The following CEACAM21 variants were observed in gnomAD, a reference collection of about 807,000 sequenced individuals.
CEACAM21 encodes the protein cell adhesion molecule CEACAM21.
A neutral mutation model predicts 33.2 loss-of-function variants in CEACAM21; 38 were observed. That is an observed-to-expected ratio of 1.14 (90% CI 0.88 to 1.50). The LOEUF is 1.50. Among genes scored for constraint, CEACAM21 ranks in the 40% most tolerant of loss-of-function variants. The pLI, the probability that CEACAM21 is intolerant of heterozygous loss-of-function variation, is 0.00. For synonymous variants in CEACAM21, 156 were observed against 143.0 expected, an observed-to-expected ratio of 1.09 and a Z score of -0.65; for missense variants, 385 against 364.6, an observed-to-expected ratio of 1.06 and a Z score of -0.46.
intron 2 of CEACAM21, among the ~76,000 whole-genome samples, chr19:41,578,000 T>C (rs535228974): frequency 6.6e-6 from 1 of 152,288 alleles, no homozygotes; most frequent in East Asian, 1.9e-4. Flanking sequence ...AGGGCTGGGT[T>C]GTGGCTTCCT....
intron 1 of CEACAM21, among the ~76,000 whole-genome samples, chr19:41,559,982 A>T (rs1555786426): frequency 6.6e-6 from 1 of 152,080 alleles, no homozygotes; most frequent in Non-Finnish European, 1.5e-5. Context: ...ATACAGAGAG[A>T]CTTCCTCTCA....
chr19:41,571,056 C>A (rs1433504715), intron 2 of CEACAM21, among the ~76,000 whole-genome samples: 3 of 152,136 alleles, frequency 2.0e-5, no homozygotes, highest in Non-Finnish European at 2.9e-5. Flanking sequence ...GCTCTGTGAA[C>A]TGCAGGGTGT....
At position 41,582,400 on chromosome 19, in the gene CEACAM21, GTCT is replaced by G. The variant is rs370237279; in HGVS notation, c.701-1940_701-1938del. The stretch of plus-strand genomic sequence containing the variant: ...CCATTCTGGGGTCTGGAGGATTGTG[GTCT>G]TCTTCTCACAGCTCCATTAGGCAGT... On this transcript the variant is annotated intron_variant, in intron 3 of 6. Transcript: ENST00000401445. Among the ~76,000 whole-genome samples the G allele has an allele frequency of 1.8e-3, 270 of 152,310 alleles. 1 individual carries two copies. The highest frequency in any genetic ancestry group is 6.3e-3 in the African/African-American group (261 of 41,570).
chr19:41,576,206 C>A lies in CEACAM21; in HGVS notation c.-69C>A. 6.4e-7 allele frequency: 1 copy of A among 1,570,316 alleles called. No homozygotes were observed. Among genetic ancestry groups the A allele is most frequent in the Non-Finnish European group, 8.8e-7 (1 of 1,141,344 alleles). ...ACAGCAGAGACAACAGTCACAGTAACCCTGTCTAGAGCGTTCCTGGAGCCC... is the reference window on the plus strand; with the variant it reads ...ACAGCAGAGACAACAGTCACAGTAAACCTGTCTAGAGCGTTCCTGGAGCCC... On this transcript the variant is annotated 5_prime_UTR_variant, in exon 1 of 7. Coordinates refer to ENST00000401445, the MANE Select transcript of CEACAM21 (RefSeq NM_001098506.4).
At chr19:41,574,725 TC>T (rs1242689163), upstream of CEACAM21, among the ~76,000 whole-genome samples, 1 of 152,192 alleles carries the variant, frequency 6.6e-6, no homozygotes, top group Non-Finnish European at 1.5e-5. Flanking sequence ...AATGGAACCC[TC>T]GTATATTGCT....
chr19:41,549,756 A>T (rs1044302976), intron 1 of CEACAM21, among the ~76,000 whole-genome samples: 5 of 152,044 alleles, frequency 3.3e-5, no homozygotes, highest in African/African-American at 1.2e-4. Context: ...TGGTGGAATC[A>T]CTGTTCACTA....
intron 1 of CEACAM21, among the ~76,000 whole-genome samples, chr19:41,560,900 G>GT (rs1241777265): frequency 6.6e-6 from 1 of 152,094 alleles, no homozygotes; most frequent in African/African-American, 2.4e-5. Flanking sequence ...CAAGACAAGG[G>GT]TGTTCACCAT....
intron 3 of CEACAM21, among the ~76,000 whole-genome samples, chr19:41,580,806 A>G (rs1272740544): frequency 6.6e-6 from 1 of 152,168 alleles, no homozygotes; most frequent in African/African-American, 2.4e-5. Context: ...TTGGCCATTA[A>G]TTGATTCATT....
intron 1 of CEACAM21, among the ~76,000 whole-genome samples, chr19:41,554,139 T>C (rs1191941927): frequency 1.3e-5 from 2 of 152,070 alleles, no homozygotes; most frequent in Non-Finnish European, 2.9e-5. Flanking sequence ...TTAGTTCACT[T>C]CATGCAGTTA....
At chr19:41,563,647 C>T (rs1217879732) in intron 1 of CEACAM21, among the ~76,000 whole-genome samples, 1 of 152,236 alleles carries the variant, frequency 6.6e-6, no homozygotes, top group Non-Finnish European at 1.5e-5. Context: ...TGAACAGATC[C>T]CATCCAGGGA....
intron 6 of CEACAM21, 131 bp from the exon 7 acceptor site, chr19:41,586,333 G>T (rs574432527): frequency 4.0e-4 from 235 of 592,856 alleles, no homozygotes; most frequent in Non-Finnish European, 6.4e-4. Context: ...GGAGGGAGGG[G>T]CCTGGGAGCA....
At chr19:41,567,065 A>G (rs1555788489) in intron 2 of CEACAM21, among the ~76,000 whole-genome samples, 1 of 150,830 alleles carries the variant, frequency 6.6e-6, no homozygotes, top group African/African-American at 2.5e-5. Context: ...TCTCTCTCTC[A>G]TAATGTTATG....
chr19:41,554,200 G>A (rs189119704), intron 1 of CEACAM21, among the ~76,000 whole-genome samples: 2 of 152,020 alleles, frequency 1.3e-5, no homozygotes, highest in South Asian at 2.1e-4. Flanking sequence ...CAAGTGTCCC[G>A]AACATTTTTC....
chr19:41,576,984 C>T (rs1260534665), intron 1 of CEACAM21, among the ~76,000 whole-genome samples: 3 of 152,068 alleles, frequency 2.0e-5, no homozygotes, highest in Non-Finnish European at 4.4e-5. Context: ...GGGAGGGAAC[C>T]ATGCAGACCC....
intron 2 of CEACAM21, among the ~76,000 whole-genome samples, chr19:41,571,055 A>C (rs537201587): frequency 2.4e-4 from 37 of 152,052 alleles, no homozygotes; most frequent in African/African-American, 8.9e-4. Flanking sequence ...GGCTCTGTGA[A>C]CTGCAGGGTG....
At position 41,586,605 on chromosome 19, in the gene CEACAM21, G is replaced by C. The variant is rs989052773; in HGVS notation, c.*142G>C. On this transcript the variant is annotated 3_prime_UTR_variant, in exon 7 of 7. Coordinates refer to ENST00000401445, the MANE Select transcript of CEACAM21 (RefSeq NM_001098506.4). Reference sequence around the variant, plus strand: ...CAGCCCTGGGGATGGGGAAGGACATGGAGCCTGAGCCAGAGAACCAGCTCT... The same window carrying C: ...CAGCCCTGGGGATGGGGAAGGACATCGAGCCTGAGCCAGAGAACCAGCTCT... The C allele has an allele frequency of 2.6e-4, 153 of 583,530 alleles. 2 individuals carry two copies. The Middle Eastern group carries it at 6.0e-3, about 23-fold the overall frequency. The allele number at this position is 583,530 out of a possible 1,614,324, so 36.1% of individuals were successfully genotyped here. A position where few individuals can be genotyped will look rare whatever the true frequency, so the allele number is the denominator to read the frequency against.
At chr19:41,573,990 A>G (rs782464564), upstream of CEACAM21, among the ~76,000 whole-genome samples, 18 of 152,270 alleles carry the variant, frequency 1.2e-4, no homozygotes, top group Non-Finnish European at 1.9e-4. Flanking sequence ...TTCTGGCACA[A>G]GAATGCACAT....
chr19:41,560,377 C>T (rs2041807820), intron 1 of CEACAM21, among the ~76,000 whole-genome samples: 1 of 152,162 alleles, frequency 6.6e-6, no homozygotes, highest in African/African-American at 2.4e-5. Context: ...TACTCACTGC[C>T]ATGCCTGGCT....
chr19:41,567,915 C>T (rs2042370219), intron 2 of CEACAM21, among the ~76,000 whole-genome samples: 1 of 148,130 alleles, frequency 6.8e-6, no homozygotes, highest in Non-Finnish European at 1.5e-5. Context: ...AAAAAAAATG[C>T]TTTGGACTTT....
Sources: gnomAD v4.1 joint callset for allele counts (sites outside exome capture counted in the v4.1 genomes callset) on GRCh38, gnomAD v4.1.1 for gene constraint, MANE v1.5 for transcripts, NCBI Gene and HGNC (gene_info 2026-07-23, HGNC 2026-07-21) for gene names.